THADA: variants seen among roughly 807,000 people sequenced by gnomAD.
THADA encodes THADA armadillo repeat containing.
A neutral mutation model predicts 219.8 loss-of-function variants in THADA; 213 were observed. The observed-to-expected ratio is 0.97, with a 90% confidence interval of 0.87 to 1.09. The LOEUF (loss-of-function observed/expected upper bound fraction) is 1.09. Among genes scored for constraint, THADA ranks in the 50% least tolerant of loss-of-function variants. The probability of loss-of-function intolerance (pLI) is 0.00; values close to 1 mark genes in which losing one functional copy is unlikely to be tolerated. For synonymous variants in THADA, 1,018 were observed against 828.9 expected, an observed-to-expected ratio of 1.23 and a Z score of -3.92; for missense variants, 2,956 against 2,311.3, an observed-to-expected ratio of 1.28 and a Z score of -5.72.
intron 36 of THADA, 76 bp downstream of exon 36, chr2:43,279,689 C>G (rs192406471): frequency 4.7e-6 from 7 of 1,483,088 alleles, no homozygotes; most frequent in Non-Finnish European, 6.2e-6. Context: ...AAGATACTAT[C>G]TGGCTCATTA....
chr2:43,314,833 G>T (rs1235135657), intron 31 of THADA, among the ~76,000 whole-genome samples: 1 of 152,130 alleles, frequency 6.6e-6, no homozygotes, highest in Non-Finnish European at 1.5e-5. Flanking sequence ...GAGTCCTTGT[G>T]GGTTTAAAAC....
chr2:43,427,833 G>A (rs1371454012), intron 28 of THADA, among the ~76,000 whole-genome samples: 2 of 149,462 alleles, frequency 1.3e-5, no homozygotes, highest in East Asian at 3.9e-4. Context: ...GCGGGTGCCT[G>A]TAGCCCCAGC....
intron 22 of THADA, among the ~76,000 whole-genome samples, chr2:43,515,248 T>C (rs1574037058): frequency 1.8e-5 from 1 of 54,996 alleles, no homozygotes; most frequent in Non-Finnish European, 3.4e-5. Flanking sequence ...ATATAATATA[T>C]TATATATAAT....
intron 1 of THADA, 84 bp downstream of exon 1, chr2:43,595,847 G>C (rs1036359144): frequency 6.6e-6 from 1 of 152,324 alleles, no homozygotes; most frequent in South Asian, 2.1e-4. Flanking sequence ...GATGGGAATT[G>C]GTGTGGCTCG....
intron 14 of THADA, among the ~76,000 whole-genome samples, chr2:43,567,571 G>A (rs1468101115): frequency 6.6e-6 from 1 of 152,148 alleles, no homozygotes; most frequent in Non-Finnish European, 1.5e-5. Flanking sequence ...AGGTTGCAGT[G>A]AGCCAAGATC....
chr2:43,377,334 T>A (rs990491189), intron 29 of THADA, among the ~76,000 whole-genome samples: 3 of 152,120 alleles, frequency 2.0e-5, no homozygotes, highest in Non-Finnish European at 4.4e-5. Flanking sequence ...GAAAATTCAG[T>A]CAATGCTTGA....
At chr2:43,586,320 G>T in intron 7 of THADA, 81 bp downstream of exon 7, 1 of 1,172,122 alleles carries the variant, frequency 8.5e-7, no homozygotes, top group East Asian at 2.7e-5. Context: ...ATCACATTCT[G>T]AGACTTTTAA....
intron 26 of THADA, among the ~76,000 whole-genome samples, chr2:43,431,626 C>T (rs866772877): frequency 1.6e-5 from 2 of 125,198 alleles, no homozygotes; most frequent in East Asian, 2.3e-4. Context: ...CCACCACGCC[C>T]GGATAATTTT....
At chr2:43,471,676 A>G (rs1684920625) in intron 26 of THADA, among the ~76,000 whole-genome samples, 1 of 152,246 alleles carries the variant, frequency 6.6e-6, no homozygotes, top group African/African-American at 2.4e-5. Flanking sequence ...TAGACAGAAC[A>G]TGTAACAACA....
intron 29 of THADA, among the ~76,000 whole-genome samples, chr2:43,373,871 T>C (rs1671078025): frequency 6.6e-6 from 1 of 152,234 alleles, no homozygotes; most frequent in Non-Finnish European, 1.5e-5. Flanking sequence ...GATCACAACA[T>C]CTTTCTAGTT....
At chr2:43,575,088 T>G (rs1699719836) in intron 10 of THADA, 61 bp from the exon 11 acceptor site, 1 of 1,235,860 alleles carries the variant, frequency 8.1e-7, no homozygotes, top group Admixed American at 2.5e-5. Context: ...AATTTCATTT[T>G]ATAACAATTT....
In THADA at chr2:43,503,645, C is replaced by T. The variant is rs536672361; in HGVS notation, c.3621+1977G>A. On this transcript the variant is annotated intron_variant, in intron 24 of 37. Coordinates refer to ENST00000405975, the MANE Select transcript of THADA (RefSeq NM_022065.5). ...TCAAATATGTTCATTATTCACTATA[C>T]ATTTCTGTATACTGAAATATTTCAA... Among the ~76,000 whole-genome samples the T allele has an allele frequency of 9.9e-5, 15 of 152,152 alleles. No homozygotes were observed. The East Asian group carries it at 2.9e-3, about 29-fold the overall frequency.
chr2:43,306,570 T>A (rs938040733), intron 31 of THADA, among the ~76,000 whole-genome samples: 66 of 152,244 alleles, frequency 4.3e-4, no homozygotes, highest in African/African-American at 1.5e-3. Flanking sequence ...CCCTTGCTAG[T>A]GCTACAATTT....
At position 43,344,150 on chromosome 2, in the gene THADA, TACAA is replaced by T; in HGVS notation, c.4311_4314del (p.Cys1438ProfsTer16). 6.2e-7 allele frequency: 1 copy of T among 1,611,562 alleles called. No individual in the cohort carries two copies. The highest frequency in any genetic ancestry group is 1.3e-5 in the African/African-American group (1 of 75,006). On this transcript the variant is annotated frameshift_variant, in exon 30 of 38. Coordinates refer to ENST00000405975, the MANE Select transcript of THADA (RefSeq NM_022065.5). LOFTEE classifies it high-confidence loss of function. ...TTGGCCAGCCAGAGTTTGGCTTTGG[TACAA>T]ACAGTGATGTCAGTCAGCTCGTGCT...
chr2:43,398,195 T>C (rs1012723961), intron 28 of THADA, 56 bp from the exon 29 acceptor site: 35 of 1,555,350 alleles, frequency 2.3e-5, no homozygotes, highest in Admixed American at 1.9e-4. Flanking sequence ...ATCTGTGACT[T>C]TGTATATACT....
intron 7 of THADA, 123 bp from the exon 8 acceptor site, chr2:43,582,051 T>TAAA: frequency 1.4e-6 from 1 of 698,662 alleles, no homozygotes; most frequent in Non-Finnish European, 2.2e-6. Context: ...TATGATAATT[T>TAAA]ATTCCTCTCT....
intron 36 of THADA, among the ~76,000 whole-genome samples, chr2:43,245,082 T>G (rs1257811117): frequency 1.3e-5 from 2 of 152,010 alleles, no homozygotes; most frequent in Non-Finnish European, 2.9e-5. Flanking sequence ...CTGACCAGCC[T>G]GGATCTTGAA....
chr2:43,383,150 A>G (rs1260052755), intron 29 of THADA, among the ~76,000 whole-genome samples: 2 of 152,228 alleles, frequency 1.3e-5, no homozygotes, highest in Non-Finnish European at 2.9e-5. Flanking sequence ...CTCTAAATGT[A>G]CATTTTGAAA....
intron 31 of THADA, among the ~76,000 whole-genome samples, chr2:43,316,443 G>T (rs915970787): frequency 1.3e-5 from 2 of 152,084 alleles, no homozygotes; most frequent in African/African-American, 4.8e-5. Flanking sequence ...AGAGGGACAG[G>T]GGCAACCCTA....
Sources: gnomAD v4.1 joint callset for allele counts (sites outside exome capture counted in the v4.1 genomes callset) on GRCh38, gnomAD v4.1.1 for gene constraint, MANE v1.5 for transcripts, NCBI Gene and HGNC (gene_info 2026-07-23, HGNC 2026-07-21) for gene names.